The following UBR3 variants were observed in gnomAD, a reference collection of about 807,000 sequenced individuals.
UBR3 encodes ubiquitin protein ligase E3 component n-recognin 3.
A neutral mutation model predicts 243.2 loss-of-function variants in UBR3; 85 were observed. The observed-to-expected ratio is 0.35, with a 90% CI of 0.29 to 0.42. The LOEUF (loss-of-function observed/expected upper bound fraction) is 0.42. Among genes scored for constraint, UBR3 ranks in the 10% least tolerant of loss-of-function variants. The pLI is 1.00. For missense variants in UBR3, 1,686 were observed against 2,300.8 expected (o/e 0.73, Z 5.47); for synonymous variants, 748 against 799.8 (o/e 0.94, Z 1.09).
chr2:170,045,126 G>A (rs1046966658), intron 32 of UBR3, among the ~76,000 whole-genome samples: 1 of 152,062 alleles, frequency 6.6e-6, no homozygotes, highest in African/African-American at 2.4e-5. Flanking sequence ...CATATGGCTG[G>A]GAGGTCTCAC....
rs1553504592 is a variant in UBR3 at position 169,890,583 on chromosome 2, A to ATATATATG, written c.1039-575_1039-574insGTATATAT. 2.0e-3 allele frequency among the ~76,000 whole-genome samples: 187 copies of ATATATATG among 93,982 alleles called. 2 individuals are homozygous for ATATATATG. Among genetic ancestry groups the ATATATATG allele is most frequent in the Admixed American group, 3.3e-3 (29 of 8,706 alleles). The allele number at this position is 93,982 out of a possible 152,430, so 61.7% of individuals were successfully genotyped here. On this transcript the variant is annotated intron_variant, in intron 5 of 38. Transcript: ENST00000272793. ...TATATATGTGTATATATATATATGT[A>ATATATATG]TATATATATGTATATATATGTATAT...
At chr2:169,947,198 C>T (rs898567245) in intron 21 of UBR3, among the ~76,000 whole-genome samples, 1 of 151,990 alleles carries the variant, frequency 6.6e-6, no homozygotes, top group Non-Finnish European at 1.5e-5. Context: ...CAATTTCCTC[C>T]CAATTTGTCC....
intron 31 of UBR3, among the ~76,000 whole-genome samples, chr2:170,039,067 CAA>C (rs2090901341): frequency 6.6e-6 from 1 of 151,978 alleles, no homozygotes; most frequent in Non-Finnish European, 1.5e-5. Context: ...GAAGGTCTTT[CAA>C]AAAGAGTCCT....
In UBR3 at chr2:169,964,673, A is replaced by T. The variant is rs191742290; in HGVS notation, c.3634+6147A>T. The T allele has an allele frequency of 1.1e-5, 4 of 369,196 alleles. No homozygotes were observed. In the Admixed American group the frequency reaches 1.1e-4, roughly 10 times the overall value. 22.9% of individuals were successfully genotyped at this position (369,196 alleles called of 1,614,324 possible). On this transcript the variant is annotated intron_variant, in intron 24 of 38. Transcript: ENST00000272793. ...CCTGAAGTTTGGAATTGCTGAGGAG[A>T]GTGGGAGACATTGGTCATGAAAGCT... is the stretch of plus-strand genomic sequence containing the variant.
rs1195443639 is a variant in UBR3, at chr2:169,828,067, C to T, written c.545+15C>T. 2 of 1,359,028 alleles carry T rather than the reference C, an allele frequency of 1.5e-6. No homozygotes were observed. The highest frequency in any genetic ancestry group is 1.9e-6 in the Non-Finnish European group (2 of 1,053,492). 84.2% of individuals were successfully genotyped at this position (1,359,028 alleles called of 1,614,324 possible). ...CGGGAGAGCGGGTGAGTGGAGCCCT[C>T]CCCGCGGGCGAGGCGACCCTGGGCC... On this transcript the variant is annotated intron_variant, in intron 1 of 38. Transcript: ENST00000272793.
chr2:170,040,938 C>T lies in UBR3; in HGVS notation c.4613C>T (p.Ser1538Phe). 1 of 1,613,474 alleles carries T rather than the reference C, an allele frequency of 6.2e-7. No individual in the cohort carries two copies. The highest frequency in any genetic ancestry group is 8.5e-7 in the Non-Finnish European group (1 of 1,179,726). Reference sequence around the variant, plus strand: ...CCAATTCTTTATCATGATGTAACATCCCTTTTGCTCATCCAGATCTTAATG... The same window carrying T: ...CCAATTCTTTATCATGATGTAACATTCCTTTTGCTCATCCAGATCTTAATG... ...EVPILYHDVT[S>F]LLLIQILMMP... is the part of the protein sequence containing the mutation. The change falls in exon 32 of 39, where the codon TCC (serine) becomes TTC (phenylalanine). Residue 1538 changes from serine to phenylalanine, a missense_variant. Transcript: ENST00000272793.
At chr2:169,928,214 A>G (rs1470736152) in intron 17 of UBR3, among the ~76,000 whole-genome samples, 3 of 152,218 alleles carry the variant, frequency 2.0e-5, no homozygotes, top group African/African-American at 7.2e-5. Flanking sequence ...GTGTCTTTCA[A>G]TTTTAAAGAT....
intron 31 of UBR3, among the ~76,000 whole-genome samples, chr2:170,034,802 A>G (rs527984530): frequency 4.6e-5 from 7 of 152,114 alleles, no homozygotes; most frequent in Admixed American, 4.6e-4. Context: ...AATGAATGAG[A>G]GTTCTTGTTA....
chr2:170,078,231 C>A, intron 36 of UBR3: 1 of 471,208 alleles, frequency 2.1e-6, no homozygotes, highest in South Asian at 1.9e-5. Context: ...CCCTTTTTCT[C>A]ATGGTAATCC....
chr2:169,960,005 C>CT (rs1219977344), intron 24 of UBR3, among the ~76,000 whole-genome samples: 1 of 151,972 alleles, frequency 6.6e-6, no homozygotes, highest in African/African-American at 2.4e-5. Context: ...AATCCCAGCA[C>CT]TTTGGGAGGC....
chr2:169,941,880 T>G (rs899519084), intron 19 of UBR3, among the ~76,000 whole-genome samples: 3 of 152,202 alleles, frequency 2.0e-5, no homozygotes, highest in African/African-American at 7.2e-5. Context: ...ATTCTCCTTG[T>G]GAGTTACTCT....
intron 24 of UBR3, among the ~76,000 whole-genome samples, chr2:169,963,556 T>G (rs1372963954): frequency 6.6e-6 from 1 of 152,144 alleles, no homozygotes. Flanking sequence ...AAAGCAGATA[T>G]TTAGCCTGTA....
In UBR3 at chr2:169,935,166, TTTTG is replaced by T. The variant is rs1474706954; in HGVS notation, c.2663+2170_2663+2173del. Among the ~76,000 whole-genome samples, 5 of 152,288 alleles carry T rather than the reference TTTTG, an allele frequency of 3.3e-5. No homozygotes were observed. The South Asian group carries it at 6.2e-4, about 19-fold the overall frequency. ...AAAGCTCAGTGAAAATATGTCTGTT[TTTTG>T]TTTGTTTGTTTTTGAGACAAGGTCT... On this transcript the variant is annotated intron_variant, in intron 19 of 38. Transcript: ENST00000272793.
intron 1 of UBR3, among the ~76,000 whole-genome samples, chr2:169,828,654 T>C (rs1234821134): frequency 1.3e-5 from 2 of 152,104 alleles, no homozygotes; most frequent in Non-Finnish European, 2.9e-5. Context: ...AAAGTGACTG[T>C]TGAGCTGTCA....
rs2081799329 is a variant in UBR3, at chr2:169,828,010, G to C, written c.503G>C (p.Gly168Ala). The change falls in exon 1 of 39, where the codon GGC (glycine) becomes GCC (alanine). Residue 168 changes from glycine to alanine, a missense_variant. Transcript: ENST00000272793. ...AACATGTTCCGCAGCCAGGCCGGGG[G>C]CGCCTGCGACTGCGGGGACAGCAAC... ...DFNMFRSQAGGACDCGDSNVM... is the reference protein window; with the variant it reads ...DFNMFRSQAGAACDCGDSNVM... 1 of 1,417,658 alleles carries C rather than the reference G, an allele frequency of 7.1e-7. No individual in the cohort carries two copies. Among genetic ancestry groups the C allele is most frequent in the Non-Finnish European group, 9.3e-7 (1 of 1,079,692 alleles). The allele number at this position is 1,417,658 out of a possible 1,614,324, so 87.8% of individuals were successfully genotyped here. A position where few individuals can be genotyped will look rare whatever the true frequency, so the allele number is the denominator to read the frequency against.
chr2:169,856,168 G>A (rs1574055854), intron 1 of UBR3, among the ~76,000 whole-genome samples: 1 of 151,340 alleles, frequency 6.6e-6, no homozygotes, highest in African/African-American at 2.4e-5. Context: ...TGGCGGCGGG[G>A]CAGAGACACT....
intron 30 of UBR3, among the ~76,000 whole-genome samples, chr2:170,026,568 C>T (rs1031891232): frequency 6.6e-6 from 1 of 152,060 alleles, no homozygotes; most frequent in African/African-American, 2.4e-5. Context: ...GAATCCAGGA[C>T]TTCCTGGCTC....
intron 26 of UBR3, among the ~76,000 whole-genome samples, chr2:169,998,779 GAAACT>G (rs2089588993): frequency 6.6e-6 from 1 of 152,222 alleles, no homozygotes; most frequent in African/African-American, 2.4e-5. Context: ...ATTCACGGTA[GAAACT>G]GGAAGTGTAA....
At chr2:169,950,863 C>G (rs1462709563) in intron 23 of UBR3, among the ~76,000 whole-genome samples, 1 of 148,510 alleles carries the variant, frequency 6.7e-6, no homozygotes, top group African/African-American at 2.5e-5. Flanking sequence ...TTGTCAAACT[C>G]TTGGAAAGGG....
Sources: allele counts gnomAD v4.1 joint callset (sites outside exome capture counted in the v4.1 genomes callset), GRCh38; gene constraint gnomAD v4.1.1; transcripts MANE v1.5; gene names NCBI Gene and HGNC (gene_info 2026-07-23, HGNC 2026-07-21).